Variants in MTMR7 observed in about 807,000 individuals in gnomAD.
MTMR7 encodes myotubularin related protein 7.
In MTMR7, 76 loss-of-function variants were observed where a neutral mutation model predicts 81.2. The ratio of observed to expected loss-of-function variants is 0.94; its 90% CI spans 0.78 to 1.13. The LOEUF (loss-of-function observed/expected upper bound fraction) is 1.13, where lower values mean the gene tolerates loss of function less well. Ranked by LOEUF, MTMR7 falls within the 50% of genes most tolerant of loss-of-function variation. The pLI, the probability that MTMR7 is intolerant of heterozygous loss-of-function variation, is 0.00. For synonymous variants in MTMR7, 372 were observed against 289.8 expected, an observed-to-expected ratio of 1.28 and a Z score of -2.88; for missense variants, 1,044 against 820.0, an observed-to-expected ratio of 1.27 and a Z score of -3.34.
At chr8:17,364,615 C>T (rs1191043639) in intron 3 of MTMR7, among the ~76,000 whole-genome samples, 1 of 152,154 alleles carries the variant, frequency 6.6e-6, no homozygotes, top group East Asian at 1.9e-4. Flanking sequence ...CCATTCTACT[C>T]TCTGCTTCTA....
intron 6 of MTMR7, among the ~76,000 whole-genome samples, chr8:17,334,196 C>CA (rs1254378083): frequency 6.6e-6 from 1 of 152,096 alleles, no homozygotes; most frequent in Non-Finnish European, 1.5e-5. Context: ...GGATCTCCAC[C>CA]TTTTTTACAG....
chr8:17,315,389 T>G (rs774678120), intron 7 of MTMR7, among the ~76,000 whole-genome samples: 2 of 138,042 alleles, frequency 1.4e-5, no homozygotes, highest in Admixed American at 7.4e-5. Context: ...GGCAGAAAAC[T>G]ACGACAGTGG....
Position 17,405,127 on chromosome 8 carries a change from C to T in MTMR7, c.24+8142G>A, listed in dbSNP as rs567684810. On this transcript the variant is annotated intron_variant, in intron 1 of 13. Coordinates refer to ENST00000180173, the MANE Select transcript of MTMR7 (RefSeq NM_004686.5). ...TTGGCCTCCCAAAGTGTTGGGATTA[C>T]AGGCGTGAGCCACTGCGCCCAGCCT... 2.6e-5 allele frequency among the ~76,000 whole-genome samples: 4 copies of T among 152,388 alleles called. No individual in the cohort carries two copies. In the East Asian group the frequency reaches 7.7e-4, roughly 29 times the overall value.
chr8:17,399,479 A>G (rs1191170949), intron 1 of MTMR7, among the ~76,000 whole-genome samples: 1 of 152,194 alleles, frequency 6.6e-6, no homozygotes, highest in Non-Finnish European at 1.5e-5. Flanking sequence ...GAAATTAAAG[A>G]GGACACACAA....
chr8:17,412,945 T>C (rs1183530525), intron 1 of MTMR7, among the ~76,000 whole-genome samples: 2 of 142,630 alleles, frequency 1.4e-5, no homozygotes, highest in African/African-American at 5.2e-5. Context: ...GAAAGCCTCG[T>C]GCCAGGAGAA....
At chr8:17,306,368 G>T (rs938642772) in intron 10 of MTMR7, among the ~76,000 whole-genome samples, 4 of 151,794 alleles carry the variant, frequency 2.6e-5, no homozygotes, top group Admixed American at 2.6e-4. Flanking sequence ...TTGTTGGGAA[G>T]GGATGAGGAA....
rs1028907937 is a variant in MTMR7 at position 17,297,559 on chromosome 8, T to C, written c.*2303A>G. On this transcript the variant is annotated 3_prime_UTR_variant, in exon 14 of 14. Coordinates refer to ENST00000180173, the MANE Select transcript of MTMR7 (RefSeq NM_004686.5). ...GGGTCATGGTCAAAATTCTTACCTA[T>C]TTATTTCATATCAACTTTAAAAAAT... is the stretch of plus-strand genomic sequence containing the variant. 5.4e-5 allele frequency: 8 copies of C among 149,256 alleles called. No homozygotes were observed. The highest frequency in any genetic ancestry group is 2.0e-4 in the African/African-American group (8 of 40,118). 9.2% of individuals were successfully genotyped at this position (149,256 alleles called of 1,614,324 possible). A position where few individuals can be genotyped will look rare whatever the true frequency, so the allele number is the denominator to read the frequency against.
chr8:17,313,453 AC>A, intron 7 of MTMR7, 52 bp from the exon 8 acceptor site: 1 of 1,166,492 alleles, frequency 8.6e-7, no homozygotes, highest in Non-Finnish European at 1.3e-6. Context: ...CTCTCATTTT[AC>A]ATATGATCAT....
At chr8:17,313,161 C>A in intron 8 of MTMR7, 131 bp downstream of exon 8, 1 of 568,588 alleles carries the variant, frequency 1.8e-6, no homozygotes, top group East Asian at 2.7e-5. Context: ...GACTACGGAG[C>A]TCTACAAAGC....
chr8:17,343,668 G>C (rs1175674320), intron 5 of MTMR7, among the ~76,000 whole-genome samples: 1 of 152,184 alleles, frequency 6.6e-6, no homozygotes, highest in Admixed American at 6.5e-5. Context: ...TACTGGAACT[G>C]TTATATACTG....
chr8:17,365,666 C>T (rs1273111728), intron 3 of MTMR7, among the ~76,000 whole-genome samples: 2 of 152,116 alleles, frequency 1.3e-5, no homozygotes, highest in African/African-American at 2.4e-5. Flanking sequence ...ACTCAAAATG[C>T]CTTTGGACTG....
chr8:17,306,445 G>A (rs1000361473), intron 10 of MTMR7, among the ~76,000 whole-genome samples: 8 of 151,662 alleles, frequency 5.3e-5, no homozygotes, highest in African/African-American at 1.2e-4. Flanking sequence ...TTCCTAAAGC[G>A]GTTAAAGCTT....
intron 4 of MTMR7, among the ~76,000 whole-genome samples, chr8:17,360,392 A>T (rs1820021962): frequency 1.3e-5 from 2 of 152,088 alleles, no homozygotes; most frequent in East Asian, 3.9e-4. Context: ...ATATGAAAAA[A>T]GTTATCAAAC....
intron 13 of MTMR7, among the ~76,000 whole-genome samples, chr8:17,301,429 G>C (rs1023263261): frequency 6.6e-6 from 1 of 152,012 alleles, no homozygotes; most frequent in African/African-American, 2.4e-5. Context: ...GACAGTGAGA[G>C]GACAAACACA....
chr8:17,305,625 T>G (rs1817398079), intron 11 of MTMR7, 132 bp downstream of exon 11: 7 of 693,118 alleles, frequency 1.0e-5, no homozygotes, highest in Admixed American at 3.2e-5. Context: ...AAAAAGAAAA[T>G]AAAACTAATC....
intron 7 of MTMR7, among the ~76,000 whole-genome samples, chr8:17,319,598 G>A (rs1818277918): frequency 1.3e-5 from 2 of 152,194 alleles, no homozygotes; most frequent in Non-Finnish European, 2.9e-5. Flanking sequence ...CCAGGTACCA[G>A]ACACTATGCT....
chr8:17,386,602 T>A (rs945219435), intron 1 of MTMR7, among the ~76,000 whole-genome samples: 1 of 151,972 alleles, frequency 6.6e-6, no homozygotes, highest in African/African-American at 2.4e-5. Context: ...CCTCAAACTC[T>A]TGGCTGGGCC....
At chr8:17,403,907 T>C (rs753527767) in intron 1 of MTMR7, among the ~76,000 whole-genome samples, 1 of 152,224 alleles carries the variant, frequency 6.6e-6, no homozygotes, top group Non-Finnish European at 1.5e-5. Flanking sequence ...CTACTGCTTT[T>C]TGTATTTTGA....
intron 9 of MTMR7, among the ~76,000 whole-genome samples, chr8:17,310,299 C>G (rs994972764): frequency 6.6e-6 from 1 of 152,100 alleles, no homozygotes; most frequent in African/African-American, 2.4e-5. Context: ...CCACACCCAG[C>G]CTGGATTTTA....
Sources: allele counts gnomAD v4.1 joint callset (sites outside exome capture counted in the v4.1 genomes callset), GRCh38; gene constraint gnomAD v4.1.1; transcripts MANE v1.5; gene names NCBI Gene and HGNC (gene_info 2026-07-23, HGNC 2026-07-21).